SUV39H2: variants seen among roughly 807,000 people sequenced by gnomAD.
SUV39H2 encodes histone-lysine N-methyltransferase SUV39H2.
Under a neutral mutation model 47.5 loss-of-function variants are expected in SUV39H2, and 10 were observed. That is an observed-to-expected ratio of 0.21 (90% CI 0.13 to 0.36). The LOEUF (loss-of-function observed/expected upper bound fraction) is 0.36, where lower values mean the gene tolerates loss of function less well. Among genes scored for constraint, SUV39H2 ranks in the 10% least tolerant of loss-of-function variants. The pLI is 1.00. For synonymous variants in SUV39H2, 159 were observed against 166.8 expected (o/e 0.95, Z 0.36); for missense variants, 266 against 487.4 (o/e 0.55, Z 4.28).
rs760424984 is a variant in SUV39H2, at chr10:14,902,539, T to C, written c.*27T>C. ...CTTTTTCAGGAAATAGAGCTGATGATTATAATATTTTTTTCCTAATGTTAA... is the reference window on the plus strand; with the variant it reads ...CTTTTTCAGGAAATAGAGCTGATGACTATAATATTTTTTTCCTAATGTTAA... On this transcript the variant is annotated 3_prime_UTR_variant, in exon 6 of 6. Coordinates refer to ENST00000354919, the MANE Select transcript of SUV39H2 (RefSeq NM_001193424.2). 4 of 1,390,354 alleles carry C rather than the reference T, an allele frequency of 2.9e-6. No individual in the cohort carries two copies. In the East Asian group the frequency reaches 7.2e-5, roughly 25 times the overall value. The allele number at this position is 1,390,354 out of a possible 1,614,324, so 86.1% of individuals were successfully genotyped here.
chr10:14,881,359 CAT>C (rs1438951692), intron 1 of SUV39H2, 139 bp from the exon 2 acceptor site: 2 of 580,934 alleles, frequency 3.4e-6, no homozygotes, highest in Non-Finnish European at 5.1e-6. Context: ...TTCTTGAAGA[CAT>C]GTAACTGGTT....
At position 14,901,125 on chromosome 10, in the gene SUV39H2, C is replaced by G; in HGVS notation, c.997-8C>G. The G allele has an allele frequency of 6.2e-7, 1 of 1,613,266 alleles. No individual in the cohort carries two copies. Among genetic ancestry groups the G allele is most frequent in the South Asian group, 1.1e-5 (1 of 90,996 alleles). On this transcript the variant is annotated splice_region_variant and splice_polypyrimidine_tract_variant and intron_variant, in intron 4 of 5. Transcript: ENST00000354919. ...TGTACTTAAATGGGTTCTAATGTTCCTTTTTAGTGTGACCCAAATCTTCAG... is the reference window on the plus strand; with the variant it reads ...TGTACTTAAATGGGTTCTAATGTTCGTTTTTAGTGTGACCCAAATCTTCAG...
chr10:14,895,607 T>A (rs1042513008), intron 2 of SUV39H2, among the ~76,000 whole-genome samples: 6 of 152,204 alleles, frequency 3.9e-5, no homozygotes, highest in Non-Finnish European at 8.8e-5. Context: ...AACAACAGTC[T>A]GAGGGATAGA....
At chr10:14,879,221 C>T (rs1169417511) in intron 1 of SUV39H2, 61 of 869,188 alleles carry the variant, frequency 7.0e-5, no homozygotes, top group Non-Finnish European at 8.7e-5. Context: ...GTGGCGGCCT[C>T]GGGCTTCGAG....
At chr10:14,888,831 G>A (rs1833295806) in intron 2 of SUV39H2, among the ~76,000 whole-genome samples, 2 of 152,232 alleles carry the variant, frequency 1.3e-5, no homozygotes, top group East Asian at 3.9e-4. Context: ...CAGGCCGGGT[G>A]CAGTGGCTCA....
intron 3 of SUV39H2, chr10:14,899,288 C>G: frequency 1.4e-6 from 1 of 702,346 alleles, no homozygotes; most frequent in Non-Finnish European, 2.6e-6. Context: ...CCACCGCATT[C>G]TAGCCTGAGT....
chr10:14,881,778 T>C (rs1353955643), intron 2 of SUV39H2, 133 bp downstream of exon 2: 1 of 780,134 alleles, frequency 1.3e-6, no homozygotes, highest in East Asian at 3.1e-5. Flanking sequence ...TAAATTTATA[T>C]GTCCTATCAT....
At chr10:14,888,975 T>C (rs1004002009) in intron 2 of SUV39H2, among the ~76,000 whole-genome samples, 26 of 152,054 alleles carry the variant, frequency 1.7e-4, no homozygotes, top group African/African-American at 6.0e-4. Context: ...TGGTGGCACA[T>C]TCGTGTCATC....
In SUV39H2 at chr10:14,899,566, C is replaced by G; in HGVS notation, c.877C>G (p.Arg293Gly). The G allele has an allele frequency of 6.2e-7, 1 of 1,614,052 alleles. No homozygotes were observed. The highest frequency in any genetic ancestry group is 8.5e-7 in the Non-Finnish European group (1 of 1,180,008). Residue 293 changes from arginine to glycine, a missense_variant, in exon 4 of 6, where the codon CGA (arginine) becomes GGA (glycine). By Grantham distance (125) the Arg-to-Gly change is moderately radical (BLOSUM62 -2). Around this residue, in one of 4 missense-constraint regions of SUV39H2, gnomAD observed 112 missense variants for 271.9 expected, o/e 0.41. Transcript: ENST00000354919. ...EVITSEEAER[R>G]GQFYDNKGIT... is the part of the protein sequence containing the mutation. The stretch of plus-strand genomic sequence containing the variant: ...AATCACAAGTGAAGAAGCTGAAAGA[C>G]GAGGACAGTTCTATGACAACAAGGG...
intron 2 of SUV39H2, among the ~76,000 whole-genome samples, chr10:14,885,930 A>G (rs1197435594): frequency 6.6e-6 from 1 of 152,186 alleles, no homozygotes; most frequent in Non-Finnish European, 1.5e-5. Flanking sequence ...GCCTTGCTTT[A>G]GACCTTTTCA....
At chr10:14,895,264 C>A (rs564529461) in intron 2 of SUV39H2, among the ~76,000 whole-genome samples, 1 of 151,856 alleles carries the variant, frequency 6.6e-6, no homozygotes, top group Non-Finnish European at 1.5e-5. Flanking sequence ...GCAACCTCCT[C>A]CTCCTGGGTT....
chr10:14,888,013 A>G (rs1833267784), intron 2 of SUV39H2, among the ~76,000 whole-genome samples: 1 of 152,204 alleles, frequency 6.6e-6, no homozygotes, highest in Non-Finnish European at 1.5e-5. Context: ...AAGAGGGAGC[A>G]TGTGAGGCTG....
rs1033171431 is a variant in SUV39H2 at position 14,879,154 on chromosome 10, T to C, written c.31+235T>C. The C allele has an allele frequency of 2.6e-5, 31 of 1,211,618 alleles. No individual in the cohort carries two copies. The African/African-American group carries it at 2.8e-4, about 11-fold the overall frequency. 75.1% of individuals were successfully genotyped at this position (1,211,618 alleles called of 1,614,324 possible). The stretch of plus-strand genomic sequence containing the variant: ...TGGGCACTGTCCGAGCCTGGGGCAC[T>C]TCGGAAGTGGAGCGTGGCCTCTCCG... On this transcript the variant is annotated intron_variant, in intron 1 of 5. Transcript: ENST00000354919.
chr10:14,885,445 T>A (rs939130731), intron 2 of SUV39H2, among the ~76,000 whole-genome samples: 1 of 152,248 alleles, frequency 6.6e-6, no homozygotes, highest in Non-Finnish European at 1.5e-5. Context: ...TCCTTTCCTG[T>A]TCATTCCTGC....
In SUV39H2 at chr10:14,904,203, G is replaced by A. The variant is rs775828475; in HGVS notation, c.*1691G>A. The A allele has an allele frequency of 6.6e-6, 1 of 152,036 alleles. No homozygotes were observed. Among genetic ancestry groups the A allele is most frequent in the African/African-American group, 2.4e-5 (1 of 41,322 alleles). The allele number at this position is 152,036 out of a possible 1,614,324, so 9.4% of individuals were successfully genotyped here. A position where few individuals can be genotyped will look rare whatever the true frequency, so the allele number is the denominator to read the frequency against. On this transcript the variant is annotated 3_prime_UTR_variant, in exon 6 of 6. Coordinates refer to ENST00000354919, the MANE Select transcript of SUV39H2 (RefSeq NM_001193424.2). The stretch of plus-strand genomic sequence containing the variant: ...GCCTGTAGTCCCAGCTACTCAGGAG[G>A]CTGAGGCAGGAGAATCACTTGAATT...
rs762554670 is a variant in SUV39H2, at chr10:14,903,613, C to T, written c.*1101C>T. 8 of 152,096 alleles carry T rather than the reference C, an allele frequency of 5.3e-5. No homozygotes were observed. Among genetic ancestry groups the T allele is most frequent in the Non-Finnish European group, 7.4e-5 (5 of 68,024 alleles). The allele number at this position is 152,096 out of a possible 1,614,324, so 9.4% of individuals were successfully genotyped here. On this transcript the variant is annotated 3_prime_UTR_variant, in exon 6 of 6. Transcript: ENST00000354919. ...CAAAGTGTGTGCCTGAATTATTAGA[C>T]CTTTTTATTAGTCAACCTACGAAGA... is the stretch of plus-strand genomic sequence containing the variant.
At chr10:14,887,460 C>T (rs1475997761) in intron 2 of SUV39H2, among the ~76,000 whole-genome samples, 2 of 152,174 alleles carry the variant, frequency 1.3e-5, no homozygotes, top group South Asian at 2.1e-4. Flanking sequence ...TTAAAACATA[C>T]TCAACTTTCT....
chr10:14,901,304 A>G (rs987296318), intron 5 of SUV39H2, 42 bp downstream of exon 5: 9 of 1,610,890 alleles, frequency 5.6e-6, no homozygotes, highest in Non-Finnish European at 7.6e-6. Context: ...CAGTTTCAAT[A>G]TGAAGAATCA....
intron 3 of SUV39H2, chr10:14,898,202 CTTTTTTTTTTTTTTTTT>C (rs919860514): frequency 1.8e-5 from 1 of 56,156 alleles, no homozygotes; most frequent in African/African-American, 7.1e-5. Context: ...AGTACTGTTT[CTTTTTTTTTTTTTTTTT>C]TTTTTTTTTT....
Sources: gnomAD v4.1 joint callset for allele counts (sites outside exome capture counted in the v4.1 genomes callset) on GRCh38, gnomAD v4.1.1 for gene constraint, gnomAD v4.1.1 regional missense constraint, MANE v1.5 for transcripts, NCBI Gene and HGNC (gene_info 2026-07-23, HGNC 2026-07-21) for gene names.